Variants in CCDC88A observed in about 807,000 individuals in gnomAD.
CCDC88A encodes the protein girdin.
CCDC88A carries 54 observed loss-of-function variants against 234.3 expected under a neutral mutation model. That is an observed-to-expected ratio of 0.23 (90% CI 0.19 to 0.29). CCDC88A has a LOEUF of 0.29. Ranked by LOEUF, CCDC88A falls within the 10% of genes least tolerant of loss-of-function variation. CCDC88A has a pLI of 1.00. For missense variants in CCDC88A, 1,832 were observed against 2,123.4 expected (o/e 0.86, Z 2.70); for synonymous variants, 753 against 737.8 (o/e 1.02, Z -0.33).
chr2:55,392,040 T>C (rs943604427), intron 2 of CCDC88A, among the ~76,000 whole-genome samples: 1 of 152,242 alleles, frequency 6.6e-6, no homozygotes, highest in Non-Finnish European at 1.5e-5. Flanking sequence ...CAGTTGGGTT[T>C]GTCTGATAAG....
intron 6 of CCDC88A, among the ~76,000 whole-genome samples, chr2:55,363,047 T>G (rs1253474037): frequency 1.3e-5 from 2 of 151,992 alleles, no homozygotes. Flanking sequence ...CCAAGGATGG[T>G]GGCAAATTCA....
intron 2 of CCDC88A, among the ~76,000 whole-genome samples, chr2:55,401,306 T>G (rs1182394501): frequency 6.6e-6 from 1 of 150,580 alleles, no homozygotes; most frequent in Non-Finnish European, 1.5e-5. Context: ...CAGTGGTGTG[T>G]GCCTGCAGTC....
chr2:55,314,012 T>G (rs908184000), intron 22 of CCDC88A: 1 of 152,212 alleles, frequency 6.6e-6, no homozygotes, highest in Non-Finnish European at 1.5e-5. Context: ...TTCCTTCTTC[T>G]TGAATTTGGA....
rs1348850409 is a variant in CCDC88A, at chr2:55,335,079, C to G, written c.1742G>C (p.Arg581Thr). 6.2e-7 allele frequency: 1 copy of G among 1,611,210 alleles called. No homozygotes were observed. The highest frequency in any genetic ancestry group is 8.5e-7 in the Non-Finnish European group (1 of 1,178,804). The change falls in exon 15 of 33, where the codon AGA (arginine) becomes ACA (threonine). Residue 581 changes from arginine (R) to threonine (T), a missense_variant. This residue lies in a region of CCDC88A where 1,282 missense variants were observed against 1,543.6 expected (regional missense o/e 0.83). Transcript: ENST00000436346. This position sits in a 1 kb window ranked among gnomAD's most constrained non-coding sequence, Gnocchi z 4.5. ...RQRSQISAEA[R>T]VKDIEKENKI... is the part of the protein sequence containing the mutation. ...GTTTTCTTTTTCAATGTCTTTCACT[C>G]TTGCTTCTGCACTTATCTGGGACCG...
chr2:55,317,481 A>G lies in CCDC88A; in HGVS notation c.3602+83T>C. On this transcript the variant is annotated intron_variant, in intron 20 of 32. Coordinates refer to ENST00000436346, the MANE Select transcript of CCDC88A (RefSeq NM_001365480.1). The surrounding 1 kb of genome is among the most constrained non-coding windows in gnomAD (Gnocchi z 4.2). ...AATTTCTTATGTAAACTAACATTAG[A>G]TGTGTTTAATATATAAAATTTATTA... 2 of 1,138,284 alleles carry G rather than the reference A, an allele frequency of 1.8e-6. No individual in the cohort carries two copies. Among genetic ancestry groups the G allele is most frequent in the Non-Finnish European group, 2.4e-6 (2 of 830,232 alleles). 70.5% of individuals were successfully genotyped at this position (1,138,284 alleles called of 1,614,324 possible). A position where few individuals can be genotyped will look rare whatever the true frequency, so the allele number is the denominator to read the frequency against.
intron 2 of CCDC88A, among the ~76,000 whole-genome samples, chr2:55,389,996 G>C (rs1337919364): frequency 1.6e-5 from 2 of 123,974 alleles, no homozygotes; most frequent in African/African-American, 6.0e-5. Context: ...AGCCAGGATC[G>C]CACCACTGCA....
intron 3 of CCDC88A, among the ~76,000 whole-genome samples, chr2:55,375,764 G>C (rs144230251): frequency 0.024 from 3,713 of 151,874 alleles, 79 homozygotes; most frequent in South Asian, 0.073. Flanking sequence ...CTGACCTCAA[G>C]TGATCCACCC....
chr2:55,301,579 G>C, intron 27 of CCDC88A: 1 of 514,780 alleles, frequency 1.9e-6, no homozygotes, highest in Non-Finnish European at 3.4e-6. Flanking sequence ...AGTGCTTTTA[G>C]TTTTTAGAAA....
intron 8 of CCDC88A, among the ~76,000 whole-genome samples, chr2:55,354,043 T>C (rs1670238423): frequency 6.6e-6 from 1 of 152,154 alleles, no homozygotes; most frequent in Admixed American, 6.6e-5. Flanking sequence ...CTGAATACTG[T>C]AGGCAACTGT....
Position 55,322,681 on chromosome 2 carries a change from A to AT in CCDC88A, c.3008dup (p.Asn1003LysfsTer3), listed in dbSNP as rs763821011. 39 of 1,520,266 alleles carry AT rather than the reference A, an allele frequency of 2.6e-5. No homozygotes were observed. Among genetic ancestry groups the AT allele is most frequent in the Admixed American group, 6.7e-5 (3 of 44,736 alleles). The allele number at this position is 1,520,266 out of a possible 1,614,324, so 94.2% of individuals were successfully genotyped here. A position where few individuals can be genotyped will look rare whatever the true frequency, so the allele number is the denominator to read the frequency against. ...CTTGTCTCTGTTTGAGAGCTTCATA[A>AT]TTTTTTTTCACCTAAAATTTTATTT... On this transcript the variant is annotated frameshift_variant, in exon 18 of 33. Coordinates refer to ENST00000436346, the MANE Select transcript of CCDC88A (RefSeq NM_001365480.1). LOFTEE classifies it high-confidence loss of function.
At chr2:55,362,524 T>A (rs1363374816) in intron 6 of CCDC88A, 76 bp from the exon 7 acceptor site, 3 of 1,231,814 alleles carry the variant, frequency 2.4e-6, no homozygotes, top group Non-Finnish European at 3.4e-6. Context: ...TAGTACAATA[T>A]TAGCCCAAGT....
chr2:55,295,986 A>G lies in CCDC88A; in HGVS notation c.5162T>C (p.Leu1721Ser), dbSNP rs1443771546. 2 of 1,613,168 alleles carry G rather than the reference A, an allele frequency of 1.2e-6. No individual in the cohort carries two copies. Among genetic ancestry groups the G allele is most frequent in the Non-Finnish European group, 8.5e-7 (1 of 1,179,768 alleles). The change falls in exon 31 of 33, where the codon TTG (leucine) becomes TCG (serine). Residue 1721 changes from leucine (L) to serine (S), a missense_variant. By Grantham distance (145) the Leu-to-Ser change is moderately radical (BLOSUM62 -2). Coordinates refer to ENST00000436346, the MANE Select transcript of CCDC88A (RefSeq NM_001365480.1). ...MKSLSVSSDFLGKDKPVSCGL... is the reference protein window; with the variant it reads ...MKSLSVSSDFSGKDKPVSCGL... ...ACAGCTAACTGGTTTGTCTTTTCCC[A>G]AAAAGTCAGAAGAGACAGACAAACT...
chr2:55,311,501 T>C (rs1237660431), intron 23 of CCDC88A, among the ~76,000 whole-genome samples: 1 of 152,214 alleles, frequency 6.6e-6, no homozygotes, highest in African/African-American at 2.4e-5. Flanking sequence ...CTTCATGCAC[T>C]CCTTGAATAA....
intron 31 of CCDC88A, 199 bp downstream of exon 31, chr2:55,295,398 A>G (rs560347560): frequency 5.4e-5 from 84 of 1,546,640 alleles, no homozygotes; most frequent in Non-Finnish European, 7.1e-5. Flanking sequence ...TTTTGCCAAC[A>G]TTCCGAATGC....
At chr2:55,325,010 T>G (rs1684089171) in intron 17 of CCDC88A, among the ~76,000 whole-genome samples, 1 of 152,260 alleles carries the variant, frequency 6.6e-6, no homozygotes, top group South Asian at 2.1e-4. Flanking sequence ...ACCTTATATT[T>G]GCATCAGTAT....
intron 7 of CCDC88A, 173 bp downstream of exon 7, chr2:55,362,135 T>C (rs1671400441): frequency 2.1e-6 from 1 of 470,120 alleles, no homozygotes; most frequent in Non-Finnish European, 3.8e-6. Context: ...ATCTGTTTAC[T>C]AGCAATTTGG....
chr2:55,380,131 G>A (rs1349343331), intron 3 of CCDC88A, among the ~76,000 whole-genome samples: 1 of 150,864 alleles, frequency 6.6e-6, no homozygotes, highest in Admixed American at 6.6e-5. Context: ...AGCTACTCGG[G>A]AGGCTGAGGC....
chr2:55,403,629 A>G (rs1387512770), intron 2 of CCDC88A: 1 of 152,256 alleles, frequency 6.6e-6, no homozygotes, highest in Admixed American at 6.5e-5. Context: ...TATTATGAAA[A>G]TAATTCTGAC....
rs1675176303 is a variant in CCDC88A, at chr2:55,384,549, G to GCGTATATACACATATATACGTATATA, written c.273+4228_273+4229insTATATACGTATATATGTGTATATACG. Among the ~76,000 whole-genome samples the GCGTATATACACATATATACGTATATA allele has an allele frequency of 4.2e-5, 2 of 48,004 alleles. 1 individual carries two copies. The highest frequency in any genetic ancestry group is 1.9e-4 in the African/African-American group (2 of 10,524). The allele number at this position is 48,004 out of a possible 152,430, so 31.5% of individuals were successfully genotyped here. A position where few individuals can be genotyped will look rare whatever the true frequency, so the allele number is the denominator to read the frequency against. ...TATATATACATATATACGTATATATGTGTATATATACACATATATACGTAT... is the reference window on the plus strand; with the variant it reads ...TATATATACATATATACGTATATATGCGTATATACACATATATACGTATATATGTATATATACACATATATACGTAT... On this transcript the variant is annotated intron_variant, in intron 3 of 32. Transcript: ENST00000436346.
Sources: gnomAD v4.1 joint callset for allele counts (sites outside exome capture counted in the v4.1 genomes callset) on GRCh38, gnomAD v4.1.1 for gene constraint, gnomAD v4.1.1 regional missense constraint, Gnocchi (gnomAD v3.1) non-coding constraint, MANE v1.5 for transcripts, NCBI Gene and HGNC (gene_info 2026-07-23, HGNC 2026-07-21) for gene names.